TP53INP2: variants seen among roughly 807,000 people sequenced by gnomAD.
The protein encoded by TP53INP2 is tumor protein p53-inducible nuclear protein 2.
TP53INP2 carries 12 observed loss-of-function variants against 17.1 expected under a neutral mutation model. The ratio of observed to expected loss-of-function variants is 0.70; its 90% CI spans 0.45 to 1.14. The LOEUF is 1.14. TP53INP2 is among the 50% of genes most tolerant of loss of function. TP53INP2 has a pLI of 0.00. For synonymous variants in TP53INP2, 145 were observed against 147.3 expected, an observed-to-expected ratio of 0.98 and a Z score of 0.12; for missense variants, 342 against 330.9, an observed-to-expected ratio of 1.03 and a Z score of -0.26.
chr20:34,707,865 C>A (rs539948575), intron 2 of TP53INP2, among the ~76,000 whole-genome samples: 2 of 152,270 alleles, frequency 1.3e-5, no homozygotes, highest in South Asian at 2.1e-4. Context: ...TGGCACCTCG[C>A]AGGTTCCAGT....
chr20:34,710,548 C>A lies in TP53INP2; in HGVS notation c.*241C>A. The A allele has an allele frequency of 2.7e-6, 1 of 373,078 alleles. No homozygotes were observed. Among genetic ancestry groups the A allele is most frequent in the Non-Finnish European group, 4.7e-6 (1 of 213,266 alleles). 23.1% of individuals were successfully genotyped at this position (373,078 alleles called of 1,614,324 possible). A position where few individuals can be genotyped will look rare whatever the true frequency, so the allele number is the denominator to read the frequency against. On this transcript the variant is annotated 3_prime_UTR_variant, in exon 5 of 5. Coordinates refer to ENST00000374810, the MANE Select transcript of TP53INP2 (RefSeq NM_021202.3). This position sits in a 1 kb window ranked among gnomAD's most constrained non-coding sequence, Gnocchi z 4.9. ...AGCATCTAATCATCCATGCCCCCTA[C>A]TCCTGGCCCCTCCATCCTTTCTTCT...
chr20:34,707,905 GCACCTGC>G (rs1274558186), intron 2 of TP53INP2, among the ~76,000 whole-genome samples: 1 of 152,116 alleles, frequency 6.6e-6, no homozygotes, highest in East Asian at 1.9e-4. Flanking sequence ...GGGATTACAG[GCACCTGC>G]CACCACGCCC....
chr20:34,709,672 G>C lies in TP53INP2; in HGVS notation c.413+148G>C. ...TTGGGAGGGTTGCCTTTGAGACAAA[G>C]TGGGGGGCCGGTGGGCCTCCGGGCG... On this transcript the variant is annotated intron_variant, in intron 4 of 4. Coordinates refer to ENST00000374810, the MANE Select transcript of TP53INP2 (RefSeq NM_021202.3). This position sits in a 1 kb window ranked among gnomAD's most constrained non-coding sequence, Gnocchi z 5.4. 1 of 1,432,626 alleles carries C rather than the reference G, an allele frequency of 7.0e-7. No homozygotes were observed. The highest frequency in any genetic ancestry group is 2.9e-5 in the Admixed American group (1 of 34,862). 88.7% of individuals were successfully genotyped at this position (1,432,626 alleles called of 1,614,324 possible). A position where few individuals can be genotyped will look rare whatever the true frequency, so the allele number is the denominator to read the frequency against.
At chr20:34,706,673 A>C (rs192379915) in intron 2 of TP53INP2, among the ~76,000 whole-genome samples, 112 of 152,330 alleles carry the variant, frequency 7.4e-4, no homozygotes, top group South Asian at 2.9e-3. Flanking sequence ...CAGATGTGGA[A>C]ATATTCTCAG....
chr20:34,707,950 T>C (rs1468457324), intron 2 of TP53INP2, among the ~76,000 whole-genome samples: 1 of 152,174 alleles, frequency 6.6e-6, no homozygotes, highest in Non-Finnish European at 1.5e-5. Flanking sequence ...TTAGTAGAGA[T>C]GGGGTTCACC....
rs371384676 is a variant in TP53INP2 at position 34,709,508 on chromosome 20, G to A, written c.397G>A (p.Gly133Ser). 9.9e-5 allele frequency: 160 copies of A among 1,608,336 alleles called. No individual in the cohort carries two copies. Among genetic ancestry groups the A allele is most frequent in the Non-Finnish European group, 1.3e-4 (158 of 1,179,640 alleles). The change falls in exon 4 of 5, where the codon GGC becomes AGC. Residue 133 changes from glycine to serine, a missense_variant. Physicochemically the swap from Gly to Ser is moderately conservative, Grantham distance 56. Transcript: ENST00000374810. This position sits in a 1 kb window ranked among gnomAD's most constrained non-coding sequence, Gnocchi z 5.4. ...SPLPDAALPD[G>S]DLSEGELTPA... The stretch of plus-strand genomic sequence containing the variant: ...GCTCCCGGACGCGGCCCTGCCTGAC[G>A]GCGACCTCAGCGAAGGGTGAGCGGG...
At chr20:34,704,736 C>T (rs1175782424) in intron 1 of TP53INP2, 3 of 152,286 alleles carry the variant, frequency 2.0e-5, no homozygotes, top group Non-Finnish European at 4.4e-5. Context: ...GGTCGCTTGT[C>T]CTCCCGTGAC....
At position 34,709,117 on chromosome 20, in the gene TP53INP2, G is replaced by A. The variant is rs182016146; in HGVS notation, c.125-119G>A. On this transcript the variant is annotated intron_variant, in intron 3 of 4. Transcript: ENST00000374810. The surrounding 1 kb of genome is among the most constrained non-coding windows in gnomAD (Gnocchi z 5.4). ...CCCCGGGGCGCTGCGGACGGGCTGC[G>A]GGTCTGACTAACGATGCCCTTTCTC... The A allele has an allele frequency of 1.6e-5, 23 of 1,443,902 alleles. No homozygotes were observed. The African/African-American group carries it at 2.7e-4, about 17-fold the overall frequency. The allele number at this position is 1,443,902 out of a possible 1,614,324, so 89.4% of individuals were successfully genotyped here.
chr20:34,708,040 C>T (rs1001855495), intron 2 of TP53INP2, among the ~76,000 whole-genome samples: 95 of 152,142 alleles, frequency 6.2e-4, no homozygotes, highest in African/African-American at 2.3e-3. Flanking sequence ...GGATTACAGG[C>T]GTGAGCCACT....
rs75677051 is a variant in TP53INP2, at chr20:34,707,003, G to A, written c.-50+1529G>A. On this transcript the variant is annotated intron_variant, in intron 2 of 4. Transcript: ENST00000374810. ...GTCCTGAGGTAGGCTGGCATGGGGAGGGGGTAGATCTAGAGCTACCACCTT... is the reference window on the plus strand; with the variant it reads ...GTCCTGAGGTAGGCTGGCATGGGGAAGGGGTAGATCTAGAGCTACCACCTT... Among the ~76,000 whole-genome samples, 1,273 of 152,274 alleles carry A rather than the reference G, an allele frequency of 8.4e-3. 25 individuals are homozygous for A. Among genetic ancestry groups the A allele is most frequent in the African/African-American group, 0.029 (1,225 of 41,544 alleles).
chr20:34,709,007 GC>G lies in TP53INP2; in HGVS notation c.124+146del, dbSNP rs1988071715. 7.1e-7 allele frequency: 1 copy of G among 1,417,906 alleles called. No homozygotes were observed. Among genetic ancestry groups the G allele is most frequent in the African/African-American group, 1.4e-5 (1 of 69,728 alleles). 87.8% of individuals were successfully genotyped at this position (1,417,906 alleles called of 1,614,324 possible). A position where few individuals can be genotyped will look rare whatever the true frequency, so the allele number is the denominator to read the frequency against. The stretch of plus-strand genomic sequence containing the variant: ...GGTCACGGGGCCCCTTCCCATGAAA[GC>G]CGGGGCTCTCTCCTGGCGGCCCAGG... On this transcript the variant is annotated intron_variant, in intron 3 of 4. Transcript: ENST00000374810. The surrounding 1 kb of genome is among the most constrained non-coding windows in gnomAD (Gnocchi z 5.4).
rs1398361757 is a variant in TP53INP2, at chr20:34,711,726, G to C, written c.*1419G>C. The C allele has an allele frequency of 1.3e-5, 2 of 152,654 alleles. No homozygotes were observed. Among genetic ancestry groups the C allele is most frequent in the African/African-American group, 4.8e-5 (2 of 41,444 alleles). 9.5% of individuals were successfully genotyped at this position (152,654 alleles called of 1,614,324 possible). ...GGGCCACCAGCCTCCCCTTCTTGTG[G>C]TGAGACTGAATTTTGGGCTCAGACA... is the stretch of plus-strand genomic sequence containing the variant. On this transcript the variant is annotated 3_prime_UTR_variant, in exon 5 of 5. Transcript: ENST00000374810. The surrounding 1 kb of genome is among the most constrained non-coding windows in gnomAD (Gnocchi z 4.1).
chr20:34,712,091 G>GC lies in TP53INP2; in HGVS notation c.*1786dup, dbSNP rs1988214591. On this transcript the variant is annotated 3_prime_UTR_variant, in exon 5 of 5. Transcript: ENST00000374810. ...TGGGGTCTCCTATTCCAGGGAATAA[G>GC]CCAAATTAACACTAAAAACGGATCA... 1 of 152,724 alleles carries GC rather than the reference G, an allele frequency of 6.5e-6. No individual in the cohort carries two copies. The highest frequency in any genetic ancestry group is 2.4e-5 in the African/African-American group (1 of 41,444). 9.5% of individuals were successfully genotyped at this position (152,724 alleles called of 1,614,324 possible).
In TP53INP2 at chr20:34,711,228, C is replaced by T. The variant is rs1236493594; in HGVS notation, c.*921C>T. ...TTGCCACTCTACCCCCAACACGTCA[C>T]CCGAGTAGAAGCTGGGCAAGGCCCT... On this transcript the variant is annotated 3_prime_UTR_variant, in exon 5 of 5. Transcript: ENST00000374810. This position sits in a 1 kb window ranked among gnomAD's most constrained non-coding sequence, Gnocchi z 4.1. The T allele has an allele frequency of 6.5e-6, 1 of 152,748 alleles. No homozygotes were observed. Among genetic ancestry groups the T allele is most frequent in the Non-Finnish European group, 1.5e-5 (1 of 68,138 alleles). The allele number at this position is 152,748 out of a possible 1,614,324, so 9.5% of individuals were successfully genotyped here. A position where few individuals can be genotyped will look rare whatever the true frequency, so the allele number is the denominator to read the frequency against.
rs184134319 is a variant in TP53INP2, at chr20:34,707,868, G to A, written c.-49-823G>A. Among the ~76,000 whole-genome samples, 1,199 of 152,246 alleles carry A rather than the reference G, an allele frequency of 7.9e-3. 10 individuals are homozygous for A. Among genetic ancestry groups the A allele is most frequent in the Middle Eastern group, 0.014 (4 of 294 alleles). On this transcript the variant is annotated intron_variant, in intron 2 of 4. Coordinates refer to ENST00000374810, the MANE Select transcript of TP53INP2 (RefSeq NM_021202.3). ...GCTGGAGTGCAGTGGCACCTCGCAGGTTCCAGTGATTCTCCTGCCTCAGCC... is the reference window on the plus strand; with the variant it reads ...GCTGGAGTGCAGTGGCACCTCGCAGATTCCAGTGATTCTCCTGCCTCAGCC...
In TP53INP2 at chr20:34,710,092, G is replaced by A. The variant is rs751496207; in HGVS notation, c.448G>A (p.Ala150Thr). 4 of 1,276,292 alleles carry A rather than the reference G, an allele frequency of 3.1e-6. No individual in the cohort carries two copies. Among genetic ancestry groups the A allele is most frequent in the Non-Finnish European group, 3.9e-6 (4 of 1,014,992 alleles). 79.1% of individuals were successfully genotyped at this position (1,276,292 alleles called of 1,614,324 possible). The change falls in exon 5 of 5, where the codon GCG (alanine) becomes ACG (threonine). Residue 150 changes from alanine to threonine, a missense_variant. Transcript: ENST00000374810. The surrounding 1 kb of genome is among the most constrained non-coding windows in gnomAD (Gnocchi z 4.9). ...LTPARREPRA[A>T]RHAAPLPARA... is the part of the protein sequence containing the mutation. The stretch of plus-strand genomic sequence containing the variant: ...GCCCGCCCGCCGCGAGCCGCGGGCC[G>A]CGCGCCACGCCGCTCCTCTCCCAGC...
rs398040656 is a variant in TP53INP2, at chr20:34,709,180, T to G, written c.125-56T>G. ...TGTCCGGTGTGTGTGTGTGTGTGTG[T>G]GTGTGCCTCCTCGCTGCTCCCCTCC... On this transcript the variant is annotated intron_variant, in intron 3 of 4. Coordinates refer to ENST00000374810, the MANE Select transcript of TP53INP2 (RefSeq NM_021202.3). This position sits in a 1 kb window ranked among gnomAD's most constrained non-coding sequence, Gnocchi z 5.4. The G allele has an allele frequency of 5.6e-6, 8 of 1,439,906 alleles. No homozygotes were observed. Among genetic ancestry groups the G allele is most frequent in the Non-Finnish European group, 6.4e-6 (7 of 1,095,936 alleles). 89.2% of individuals were successfully genotyped at this position (1,439,906 alleles called of 1,614,324 possible).
Position 34,713,152 on chromosome 20 carries a change from C to T in TP53INP2, c.*2845C>T, listed in dbSNP as rs1044683939. 4.6e-5 allele frequency: 7 copies of T among 152,626 alleles called. No homozygotes were observed. Among genetic ancestry groups the T allele is most frequent in the Non-Finnish European group, 1.0e-4 (7 of 68,082 alleles). 9.5% of individuals were successfully genotyped at this position (152,626 alleles called of 1,614,324 possible). ...GGGACTGAATGCAGACACACCATAG[C>T]CCCCTTCTACTACTTTCCCTCTCGC... On this transcript the variant is annotated 3_prime_UTR_variant, in exon 5 of 5. Coordinates refer to ENST00000374810, the MANE Select transcript of TP53INP2 (RefSeq NM_021202.3).
Position 34,710,008 on chromosome 20 carries a change from C to CCA in TP53INP2, c.414-49_414-48insAC, listed in dbSNP as rs759254668. ...GTGGGAGATGGCAGCGCCCTCTAGA[C>CCA]CCCCCGCCCAGCTTACCCGGCTTGA... On this transcript the variant is annotated intron_variant, in intron 4 of 4. Coordinates refer to ENST00000374810, the MANE Select transcript of TP53INP2 (RefSeq NM_021202.3). This position sits in a 1 kb window ranked among gnomAD's most constrained non-coding sequence, Gnocchi z 4.9. 1.1e-5 allele frequency: 14 copies of CCA among 1,265,820 alleles called. No homozygotes were observed. The highest frequency in any genetic ancestry group is 1.4e-5 in the Non-Finnish European group (14 of 999,384). The allele number at this position is 1,265,820 out of a possible 1,614,324, so 78.4% of individuals were successfully genotyped here.
Sources: gnomAD v4.1 joint callset for allele counts (sites outside exome capture counted in the v4.1 genomes callset) on GRCh38, gnomAD v4.1.1 for gene constraint, Gnocchi (gnomAD v3.1) non-coding constraint, MANE v1.5 for transcripts, NCBI Gene and HGNC (gene_info 2026-07-23, HGNC 2026-07-21) for gene names.